The following TRPM3 variants were observed in gnomAD, a reference collection of about 807,000 sequenced individuals.
TRPM3 encodes transient receptor potential cation channel subfamily M member 3, also known as long transient receptor potential channel 3.
Under a neutral mutation model 181.2 loss-of-function variants are expected in TRPM3, and 77 were observed. The observed-to-expected ratio is 0.42, with a 90% confidence interval of 0.35 to 0.51. The LOEUF (loss-of-function observed/expected upper bound fraction) is 0.51. TRPM3 is among the 20% of genes least tolerant of loss of function. The pLI is 0.01. For missense variants in TRPM3, 1,759 were observed against 2,196.7 expected (o/e 0.80, Z 3.98); for synonymous variants, 745 against 796.4 (o/e 0.94, Z 1.09).
At chr9:71,094,303 G>C (rs2066738806) in intron 1 of TRPM3, among the ~76,000 whole-genome samples, 1 of 151,948 alleles carries the variant, frequency 6.6e-6, no homozygotes, top group South Asian at 2.1e-4. Flanking sequence ...AAAAATATTT[G>C]GTTGCCTCCA....
At chr9:71,292,104 G>A (rs985667522) in intron 1 of TRPM3, among the ~76,000 whole-genome samples, 1 of 151,956 alleles carries the variant, frequency 6.6e-6, no homozygotes, top group African/African-American at 2.4e-5. Context: ...CACTTCTAAA[G>A]AGCGCATGTA....
At chr9:71,140,447 A>G (rs1346662031) in intron 1 of TRPM3, among the ~76,000 whole-genome samples, 3 of 152,104 alleles carry the variant, frequency 2.0e-5, no homozygotes, top group Admixed American at 2.0e-4. Context: ...TCCTTTGTTC[A>G]TTCTCTGAAT....
intron 1 of TRPM3, 27 bp from the exon 2 acceptor site, chr9:70,864,538 A>AAAAAAAAAAAAAAAG (rs375135324): frequency 2.7e-5 from 38 of 1,433,866 alleles, no homozygotes; most frequent in South Asian, 1.4e-4. Context: ...AAAAAAAAAA[A>AAAAAAAAAAAAAAAG]AAAGAAAAAA....
chr9:70,773,962 A>C (rs1435882274), intron 7 of TRPM3: 1 of 152,234 alleles, frequency 6.6e-6, no homozygotes, highest in Non-Finnish European at 1.5e-5. Flanking sequence ...AGTTCATGAA[A>C]TAACAAATAA....
intron 22 of TRPM3, among the ~76,000 whole-genome samples, chr9:70,580,994 G>A (rs192120500): frequency 6.6e-6 from 1 of 152,310 alleles, no homozygotes; most frequent in Admixed American, 6.5e-5. Context: ...GGCACTTGAA[G>A]TGCTTAGTAA....
intron 1 of TRPM3, among the ~76,000 whole-genome samples, chr9:71,401,197 C>T (rs1315424661): frequency 3.8e-5 from 4 of 105,820 alleles, no homozygotes; most frequent in Admixed American, 2.1e-4. Flanking sequence ...GACACCATCG[C>T]AAAAAAAAAA....
intron 1 of TRPM3, among the ~76,000 whole-genome samples, chr9:71,150,442 C>T (rs1224481410): frequency 6.6e-6 from 1 of 152,060 alleles, no homozygotes; most frequent in Non-Finnish European, 1.5e-5. Context: ...CTCTCTTATA[C>T]CTTTGAACAA....
At chr9:71,148,110 TAAAA>T (rs10713717) in intron 1 of TRPM3, among the ~76,000 whole-genome samples, 1 of 150,372 alleles carries the variant, frequency 6.7e-6, no homozygotes, top group African/African-American at 2.5e-5. Flanking sequence ...TTTCTGAAGT[TAAAA>T]AAAAAAATCT....
intron 1 of TRPM3, among the ~76,000 whole-genome samples, chr9:70,909,946 A>G (rs1220900497): frequency 6.6e-6 from 1 of 152,232 alleles, no homozygotes; most frequent in Non-Finnish European, 1.5e-5. Flanking sequence ...TTTTAAATAC[A>G]GAGTGGAGTG....
chr9:71,311,219 A>C, intron 1 of TRPM3, among the ~76,000 whole-genome samples: 1 of 152,186 alleles, frequency 6.6e-6, no homozygotes, highest in East Asian at 1.9e-4. Flanking sequence ...ATTCTCACTA[A>C]GGAATTTTTC....
chr9:71,016,139 CAAA>C (rs58566593), intron 1 of TRPM3, among the ~76,000 whole-genome samples: 28 of 117,138 alleles, frequency 2.4e-4, no homozygotes, highest in East Asian at 4.9e-4. Context: ...GACTCCCTCT[CAAA>C]AAAAAAAAAA....
At chr9:70,998,294 TA>T (rs1461711047) in intron 1 of TRPM3, among the ~76,000 whole-genome samples, 1 of 150,530 alleles carries the variant, frequency 6.6e-6, no homozygotes, top group African/African-American at 2.4e-5. Context: ...TTACCTGACA[TA>T]ACCTCTTTTA....
At chr9:70,885,281 T>G (rs1444769584) in intron 1 of TRPM3, among the ~76,000 whole-genome samples, 1 of 152,194 alleles carries the variant, frequency 6.6e-6, no homozygotes, top group Non-Finnish European at 1.5e-5. Context: ...CCTTGTAGAA[T>G]GTTTAGCAAC....
intron 1 of TRPM3, among the ~76,000 whole-genome samples, chr9:70,994,526 T>C (rs562206337): frequency 5.0e-4 from 76 of 152,252 alleles, no homozygotes; most frequent in African/African-American, 1.8e-3. Context: ...TTTTCAAAAT[T>C]GGAAGTTAAC....
At chr9:70,940,430 G>A (rs1048494500) in intron 1 of TRPM3, among the ~76,000 whole-genome samples, 1 of 152,148 alleles carries the variant, frequency 6.6e-6, no homozygotes, top group Non-Finnish European at 1.5e-5. Flanking sequence ...GGAGAATCAA[G>A]AAAGTGGCTC....
intron 3 of TRPM3, among the ~76,000 whole-genome samples, chr9:70,862,463 T>C (rs973426350): frequency 1.3e-5 from 2 of 152,144 alleles, no homozygotes; most frequent in African/African-American, 2.4e-5. Context: ...GTGGAGTTAA[T>C]CATTTCTACT....
intron 1 of TRPM3, among the ~76,000 whole-genome samples, chr9:71,091,325 C>T (rs553375289): frequency 4.9e-4 from 75 of 152,120 alleles, no homozygotes; most frequent in African/African-American, 1.6e-3. Context: ...TGCTGGTAAA[C>T]GAAACCCAAA....
At chr9:70,952,368 T>C (rs1197129902) in intron 1 of TRPM3, among the ~76,000 whole-genome samples, 2 of 152,202 alleles carry the variant, frequency 1.3e-5, no homozygotes, top group African/African-American at 4.8e-5. Flanking sequence ...AGACCCTTGC[T>C]AGTGAGATGT....
chr9:70,779,292 A>C (rs1006917429), intron 7 of TRPM3, among the ~76,000 whole-genome samples: 4 of 152,166 alleles, frequency 2.6e-5, no homozygotes, highest in Non-Finnish European at 2.9e-5. Context: ...AAAAACTTGA[A>C]GGCTTTCTGC....
Sources: gnomAD v4.1 joint callset for allele counts (sites outside exome capture counted in the v4.1 genomes callset) on GRCh38, gnomAD v4.1.1 for gene constraint, MANE v1.5 for transcripts, NCBI Gene and HGNC (gene_info 2026-07-23, HGNC 2026-07-21) for gene names.